Variants in ZFPM2 observed in about 807,000 individuals in gnomAD.
ZFPM2 encodes the protein zinc finger protein ZFPM2.
A neutral mutation model predicts 98.6 loss-of-function variants in ZFPM2; 20 were observed. The observed-to-expected ratio is 0.20, with a 90% confidence interval of 0.14 to 0.29. The LOEUF (loss-of-function observed/expected upper bound fraction) is 0.29, where lower values mean the gene tolerates loss of function less well. Among genes scored for constraint, ZFPM2 ranks in the 10% least tolerant of loss-of-function variants. The pLI is 1.00. For synonymous variants in ZFPM2, 518 were observed against 502.7 expected (o/e 1.03, Z -0.41); for missense variants, 1,310 against 1,388.6 (o/e 0.94, Z 0.90).
intron 5 of ZFPM2, among the ~76,000 whole-genome samples, chr8:105,720,328 T>G (rs1259417004): frequency 6.6e-6 from 1 of 151,868 alleles, no homozygotes. Context: ...TCACAAAACT[T>G]TGATTCAAGT....
rs746736396 is a variant in ZFPM2, at chr8:105,419,162, T to C, written c.59T>C (p.Ile20Thr). The change falls in exon 2 of 8, where the codon ATT becomes ACT. Residue 20 changes from isoleucine to threonine, a missense_variant. Coordinates refer to ENST00000407775, the MANE Select transcript of ZFPM2 (RefSeq NM_012082.4). The stretch of plus-strand genomic sequence containing the variant: ...TTTCAAGGGCCGCTTGAAGATGCCA[T>C]TGAAGATGAGGAAGAAGAATGTCCA... ...RQIKRPLEDA[I>T]EDEEEECPSE... 7 of 1,613,032 alleles carry C rather than the reference T, an allele frequency of 4.3e-6. No homozygotes were observed. The East Asian group carries it at 6.7e-5, about 15-fold the overall frequency.
rs146631173 is a variant in ZFPM2, at chr8:105,526,787, T to G, written c.302-34576T>G. Among the ~76,000 whole-genome samples the G allele has an allele frequency of 2.3e-3, 357 of 152,304 alleles. 3 individuals are homozygous for G. The highest frequency in any genetic ancestry group is 8.3e-3 in the African/African-American group (347 of 41,574). ...TATGATTAAGACCAAATTGTGTCAC[T>G]TATATACAGTCCAAGTTGGGGTACA... On this transcript the variant is annotated intron_variant, in intron 3 of 7. Transcript: ENST00000407775.
chr8:105,439,228 T>C (rs1486390676), intron 2 of ZFPM2, among the ~76,000 whole-genome samples: 1 of 152,158 alleles, frequency 6.6e-6, no homozygotes, highest in African/African-American at 2.4e-5. Flanking sequence ...GCTTAGATTT[T>C]ATTCTCTGTT....
At chr8:105,787,621 A>G (rs1033387119) in intron 5 of ZFPM2, 4 of 152,358 alleles carry the variant, frequency 2.6e-5, no homozygotes, top group African/African-American at 9.6e-5. Context: ...AATGAAGTGC[A>G]GTTGAAAAGA....
intron 3 of ZFPM2, among the ~76,000 whole-genome samples, chr8:105,512,821 A>G (rs889706962): frequency 1.3e-5 from 2 of 152,184 alleles, no homozygotes; most frequent in African/African-American, 4.8e-5. Context: ...AATAGGAAAG[A>G]TAGTACTTGG....
At chr8:105,682,001 G>A (rs118093230) in intron 5 of ZFPM2, among the ~76,000 whole-genome samples, 71 of 152,044 alleles carry the variant, frequency 4.7e-4, no homozygotes, top group Non-Finnish European at 1.3e-4. Context: ...ACAAATAAGC[G>A]GCAAAATTAA....
At chr8:105,342,702 GA>G (rs1812451951) in intron 1 of ZFPM2, among the ~76,000 whole-genome samples, 1 of 151,286 alleles carries the variant, frequency 6.6e-6, no homozygotes, top group Non-Finnish European at 1.5e-5. Flanking sequence ...GAAAATATAA[GA>G]AAAAAAGAAA....
intron 3 of ZFPM2, among the ~76,000 whole-genome samples, chr8:105,534,272 T>A (rs1330098601): frequency 5.0e-5 from 2 of 40,334 alleles, no homozygotes. Context: ...CTTTCCTTCC[T>A]TCTTTCCCTC....
intron 5 of ZFPM2, among the ~76,000 whole-genome samples, chr8:105,744,627 G>C (rs1014626497): frequency 4.1e-5 from 6 of 145,590 alleles, no homozygotes; most frequent in Admixed American, 2.8e-4. Context: ...TTCTTTGTGT[G>C]TATGTATATT....
intron 5 of ZFPM2, among the ~76,000 whole-genome samples, chr8:105,681,733 G>A (rs1214055210): frequency 6.6e-6 from 1 of 152,102 alleles, no homozygotes; most frequent in East Asian, 1.9e-4. Context: ...TAAATAAGTA[G>A]TGTCAGAATA....
intron 1 of ZFPM2, among the ~76,000 whole-genome samples, chr8:105,362,869 G>A (rs977703528): frequency 4.6e-5 from 7 of 152,066 alleles, no homozygotes; most frequent in African/African-American, 1.2e-4. Context: ...ATAGATCAGA[G>A]GTCACAAATA....
chr8:105,599,213 G>A (rs777241834), intron 4 of ZFPM2, among the ~76,000 whole-genome samples: 4 of 151,816 alleles, frequency 2.6e-5, no homozygotes, highest in South Asian at 2.1e-4. Flanking sequence ...TGTTTGATCC[G>A]TGTCCTTTTG....
chr8:105,719,956 C>T (rs76092401), intron 5 of ZFPM2, among the ~76,000 whole-genome samples: 1 of 151,896 alleles, frequency 6.6e-6, no homozygotes, highest in Non-Finnish European at 1.5e-5. Context: ...GGATAACTTG[C>T]ATTTAGAAAT....
intron 3 of ZFPM2, among the ~76,000 whole-genome samples, chr8:105,446,306 G>A (rs1586378927): frequency 6.6e-6 from 1 of 152,172 alleles, no homozygotes; most frequent in East Asian, 1.9e-4. Flanking sequence ...TTTTAGATAT[G>A]CCTGCTTGCG....
At chr8:105,662,205 A>T (rs1488855363) in intron 5 of ZFPM2, 1 of 152,256 alleles carries the variant, frequency 6.6e-6, no homozygotes, top group Non-Finnish European at 1.5e-5. Flanking sequence ...AGGAGGAAGG[A>T]ATCCCAGCAC....
At chr8:105,666,425 C>T (rs1002935250) in intron 5 of ZFPM2, among the ~76,000 whole-genome samples, 1 of 152,166 alleles carries the variant, frequency 6.6e-6, no homozygotes, top group African/African-American at 2.4e-5. Context: ...AAAAGCACCA[C>T]CTGCAAGATT....
chr8:105,351,765 T>G (rs1197919617), intron 1 of ZFPM2, among the ~76,000 whole-genome samples: 12 of 147,108 alleles, frequency 8.2e-5, no homozygotes, highest in Admixed American at 8.1e-4. Context: ...ATATATGTTG[T>G]TTTTTTTTTA....
intron 4 of ZFPM2, among the ~76,000 whole-genome samples, chr8:105,599,893 C>T (rs370675942): frequency 1.3e-5 from 2 of 152,126 alleles, no homozygotes; most frequent in African/African-American, 4.8e-5. Flanking sequence ...AAATTCTCCA[C>T]CTCTTAAGAG....
chr8:105,527,851 A>G (rs186798898), intron 3 of ZFPM2, among the ~76,000 whole-genome samples: 1 of 152,326 alleles, frequency 6.6e-6, no homozygotes, highest in Admixed American at 6.5e-5. Flanking sequence ...TGGAAGCATT[A>G]GAATTATGTC....
Sources: gnomAD v4.1 joint callset for allele counts (sites outside exome capture counted in the v4.1 genomes callset) on GRCh38, gnomAD v4.1.1 for gene constraint, MANE v1.5 for transcripts, NCBI Gene and HGNC (gene_info 2026-07-23, HGNC 2026-07-21) for gene names.